The following SYT2 variants were observed in gnomAD, a reference collection of about 807,000 sequenced individuals.
The protein encoded by SYT2 is synaptotagmin-2.
In SYT2, 15 loss-of-function variants were observed where a neutral mutation model predicts 39.9. The ratio of observed to expected loss-of-function variants is 0.38; its 90% CI spans 0.25 to 0.58. The LOEUF is 0.58. SYT2 is among the 20% of genes least tolerant of loss of function. The pLI is 0.70. For missense variants in SYT2, 389 were observed against 530.3 expected, an observed-to-expected ratio of 0.73 and a Z score of 2.62; for synonymous variants, 181 against 204.5, an observed-to-expected ratio of 0.89 and a Z score of 0.98.
Position 202,635,060 on chromosome 1 carries a change from TC to T in SYT2, c.-17-29272del, listed in dbSNP as rs912015651. ...GAATTATAGCTCAATAAAGCTGTTT[TC>T]AAAAAGTAAATATATATTTATAAAC... On this transcript the variant is annotated intron_variant, in intron 1 of 8. Coordinates refer to ENST00000367268, the MANE Select transcript of SYT2 (RefSeq NM_177402.5). Among the ~76,000 whole-genome samples, 93 of 152,324 alleles carry T rather than the reference TC, an allele frequency of 6.1e-4. 2 individuals are homozygous for T. Among genetic ancestry groups the T allele is most frequent in the African/African-American group, 2.1e-3 (88 of 41,568 alleles).
intron 1 of SYT2, among the ~76,000 whole-genome samples, chr1:202,688,380 G>A (rs922964603): frequency 1.3e-5 from 2 of 152,230 alleles, no homozygotes; most frequent in East Asian, 1.9e-4. Context: ...CCCGTGGGCG[G>A]CACAGTCGAG....
intron 1 of SYT2, among the ~76,000 whole-genome samples, chr1:202,694,814 C>A (rs1056514858): frequency 6.6e-6 from 1 of 151,822 alleles, no homozygotes; most frequent in Non-Finnish European, 1.5e-5. Flanking sequence ...CTCTCCCCTC[C>A]GACACTTTAA....
intron 1 of SYT2, among the ~76,000 whole-genome samples, chr1:202,626,522 CG>C (rs1558437121): frequency 4.0e-5 from 6 of 148,808 alleles, no homozygotes; most frequent in Non-Finnish European, 8.9e-5. Flanking sequence ...GGACTACAGG[CG>C]TACCACCATG....
At chr1:202,683,054 G>C (rs964333595) in intron 1 of SYT2, among the ~76,000 whole-genome samples, 1 of 152,178 alleles carries the variant, frequency 6.6e-6, no homozygotes. Context: ...GAGATGCCAT[G>C]TACGCCCACC....
At chr1:202,646,161 C>T (rs984126686) in intron 1 of SYT2, among the ~76,000 whole-genome samples, 1 of 152,164 alleles carries the variant, frequency 6.6e-6, no homozygotes, top group Non-Finnish European at 1.5e-5. Context: ...TCCATCCTAC[C>T]CTGTCCTCTC....
chr1:202,662,710 A>C (rs1012666336), intron 1 of SYT2, among the ~76,000 whole-genome samples: 9 of 152,238 alleles, frequency 5.9e-5, no homozygotes, highest in African/African-American at 2.2e-4. Context: ...GGCATTACAC[A>C]AAGCCTGGTC....
In SYT2 at chr1:202,615,000, CTGTCG is replaced by C. The variant is rs1690993909; in HGVS notation, c.-17-9216_-17-9212del. Among the ~76,000 whole-genome samples, 1 of 152,174 alleles carries C rather than the reference CTGTCG, an allele frequency of 6.6e-6. No individual in the cohort carries two copies. Among genetic ancestry groups the C allele is most frequent in the Admixed American group, 6.5e-5 (1 of 15,284 alleles). ...GTATATTTTAAAAGTTTCGCTTTGG[CTGTCG>C]TGAGTAAAAAGACTAGGGTGGAGCA... On this transcript the variant is annotated intron_variant, in intron 1 of 8. Transcript: ENST00000367268. The surrounding 1 kb of genome is among the most constrained non-coding windows in gnomAD (Gnocchi z 4.0).
chr1:202,599,661 G>A lies in SYT2; in HGVS notation c.920-310C>T, dbSNP rs1292855274. On this transcript the variant is annotated intron_variant, in intron 7 of 8. Transcript: ENST00000367268. The surrounding 1 kb of genome is among the most constrained non-coding windows in gnomAD (Gnocchi z 4.4). ...TGATCCTGTACTGGGGAGTGGGTGGGGAGTGCTGAAGTCAGGACACACATC... is the reference window on the plus strand; with the variant it reads ...TGATCCTGTACTGGGGAGTGGGTGGAGAGTGCTGAAGTCAGGACACACATC... 6.6e-6 allele frequency among the ~76,000 whole-genome samples: 1 copy of A among 152,140 alleles called. No individual in the cohort carries two copies. Among genetic ancestry groups the A allele is most frequent in the African/African-American group, 2.4e-5 (1 of 41,440 alleles).
chr1:202,610,329 C>A, intron 1 of SYT2, among the ~76,000 whole-genome samples: 1 of 152,132 alleles, frequency 6.6e-6, no homozygotes, highest in Non-Finnish European at 1.5e-5. Context: ...GTGATGCCTC[C>A]AGCTTTGCTA....
At chr1:202,702,669 T>C (rs1470911635) in intron 1 of SYT2, among the ~76,000 whole-genome samples, 1 of 152,170 alleles carries the variant, frequency 6.6e-6, no homozygotes, top group Non-Finnish European at 1.5e-5. Context: ...TCCCCTCTCC[T>C]CCTGCTTGCA....
At chr1:202,706,606 C>T (rs1204974112) in intron 1 of SYT2, among the ~76,000 whole-genome samples, 3 of 152,188 alleles carry the variant, frequency 2.0e-5, no homozygotes, top group East Asian at 3.8e-4. Flanking sequence ...AGGATGAACC[C>T]TGGCAATCTG....
intron 1 of SYT2, among the ~76,000 whole-genome samples, chr1:202,682,722 G>A (rs1653558260): frequency 6.6e-6 from 1 of 152,060 alleles, no homozygotes; most frequent in Non-Finnish European, 1.5e-5. Context: ...CTAGCGTGGA[G>A]CTGATCATGG....
intron 3 of SYT2, 44 bp downstream of exon 3, chr1:202,604,411 G>A (rs1185081744): frequency 6.3e-7 from 1 of 1,596,198 alleles, no homozygotes; most frequent in South Asian, 1.1e-5. Context: ...AGGAAAGCCT[G>A]GGCTGAGCCC....
intron 1 of SYT2, among the ~76,000 whole-genome samples, chr1:202,694,546 C>T (rs1056962859): frequency 2.9e-5 from 4 of 138,204 alleles, no homozygotes; most frequent in Non-Finnish European, 4.7e-5. Context: ...CTTAAGTCTC[C>T]TGAGGCTGAA....
intron 1 of SYT2, among the ~76,000 whole-genome samples, chr1:202,703,778 C>T (rs1654180874): frequency 6.6e-6 from 1 of 152,194 alleles, no homozygotes; most frequent in Non-Finnish European, 1.5e-5. Flanking sequence ...CCCATCCCCT[C>T]CTTCCTTCAT....
intron 1 of SYT2, among the ~76,000 whole-genome samples, chr1:202,613,158 G>T (rs1314739387): frequency 7.5e-6 from 1 of 133,178 alleles, no homozygotes; most frequent in Non-Finnish European, 1.5e-5. Flanking sequence ...TCGGCTCACT[G>T]CAACCTCCGC....
chr1:202,656,972 T>C (rs1692289511), intron 1 of SYT2, among the ~76,000 whole-genome samples: 1 of 152,226 alleles, frequency 6.6e-6, no homozygotes, highest in Non-Finnish European at 1.5e-5. Context: ...CACCATGGCT[T>C]CCCTGGGTGC....
At chr1:202,697,419 GC>G (rs1289761670) in intron 1 of SYT2, among the ~76,000 whole-genome samples, 1 of 152,262 alleles carries the variant, frequency 6.6e-6, no homozygotes, top group Non-Finnish European at 1.5e-5. Flanking sequence ...CCTGCCAAGA[GC>G]CATGTGTGTG....
intron 1 of SYT2, among the ~76,000 whole-genome samples, chr1:202,658,463 C>T (rs1320155134): frequency 6.6e-6 from 1 of 152,026 alleles, no homozygotes; most frequent in East Asian, 1.9e-4. Flanking sequence ...CTGCCCTGGT[C>T]CAGTCCAGAG....
Sources: allele counts gnomAD v4.1 joint callset (sites outside exome capture counted in the v4.1 genomes callset), GRCh38; gene constraint gnomAD v4.1.1; non-coding constraint Gnocchi (gnomAD v3.1); transcripts MANE v1.5; gene names NCBI Gene and HGNC (gene_info 2026-07-23, HGNC 2026-07-21).